The following DHRS3 variants were observed in gnomAD, a reference collection of about 807,000 sequenced individuals.
DHRS3 encodes short-chain dehydrogenase/reductase 3.
Under a neutral mutation model 27.2 loss-of-function variants are expected in DHRS3, and 14 were observed. The observed-to-expected ratio is 0.52, with a 90% CI of 0.34 to 0.81. The LOEUF (loss-of-function observed/expected upper bound fraction) is 0.81. DHRS3 is among the 30% of genes least tolerant of loss of function. The pLI, the probability that DHRS3 is intolerant of heterozygous loss-of-function variation, is 0.01. For synonymous variants in DHRS3, 165 were observed against 175.9 expected (o/e 0.94, Z 0.49); for missense variants, 322 against 406.2 (o/e 0.79, Z 1.78).
At position 12,590,881 on chromosome 1, in the gene DHRS3, G is replaced by A. The variant is rs998096079; in HGVS notation, c.196-10215C>T. On this transcript the variant is annotated intron_variant, in intron 1 of 5. Coordinates refer to ENST00000616661, the MANE Select transcript of DHRS3 (RefSeq NM_004753.7). ...AACTGATCCACAATGATCAGGTACC[G>A]ACTTCCAGCATCTCCTTCCCAGACT... is the stretch of plus-strand genomic sequence containing the variant. 5.9e-5 allele frequency among the ~76,000 whole-genome samples: 9 copies of A among 152,152 alleles called. No individual in the cohort carries two copies. In the East Asian group the frequency reaches 7.7e-4, roughly 13 times the overall value.
chr1:12,572,880 T>C, intron 4 of DHRS3, 27 bp from the exon 5 acceptor site: 1 of 1,566,132 alleles, frequency 6.4e-7, no homozygotes, highest in South Asian at 1.2e-5. Flanking sequence ...ACACAGTGGG[T>C]TTCTCCTGGA....
At chr1:12,609,566 G>A (rs1480226930) in intron 1 of DHRS3, among the ~76,000 whole-genome samples, 2 of 152,316 alleles carry the variant, frequency 1.3e-5, no homozygotes, top group East Asian at 3.9e-4. Flanking sequence ...AGCATTCCCT[G>A]AGCTCTGGGA....
At position 12,617,758 on chromosome 1, in the gene DHRS3, C is replaced by T. The variant is rs1261087416; in HGVS notation, c.-410G>A. 7.7e-6 allele frequency: 1 copy of T among 129,382 alleles called. No individual in the cohort carries two copies. Among genetic ancestry groups the T allele is most frequent in the Non-Finnish European group, 1.5e-5 (1 of 64,594 alleles). The allele number at this position is 129,382 out of a possible 1,614,324, so 8.0% of individuals were successfully genotyped here. On this transcript the variant is annotated 5_prime_UTR_variant, in exon 1 of 6. Coordinates refer to ENST00000616661, the MANE Select transcript of DHRS3 (RefSeq NM_004753.7). Reference sequence around the variant, plus strand: ...GCACCAACCACACGCGCGCACCCTGCCTCGGTCCCGCGGTTTCAAAGTGCA... The same window carrying T: ...GCACCAACCACACGCGCGCACCCTGTCTCGGTCCCGCGGTTTCAAAGTGCA...
At position 12,577,423 on chromosome 1, in the gene DHRS3, G is replaced by A. The variant is rs181081388; in HGVS notation, c.698+1295C>T. 3.9e-5 allele frequency among the ~76,000 whole-genome samples: 6 copies of A among 152,334 alleles called. No individual in the cohort carries two copies. The East Asian group carries it at 1.2e-3, about 29-fold the overall frequency. Reference sequence around the variant, plus strand: ...ATGTCACAGAGTACATCACAGCTATGAGGGAGTCACCACCCCAGGTGGCAT... The same window carrying A: ...ATGTCACAGAGTACATCACAGCTATAAGGGAGTCACCACCCCAGGTGGCAT... On this transcript the variant is annotated intron_variant, in intron 4 of 5. Transcript: ENST00000616661.
rs189442534 is a variant in DHRS3, at chr1:12,593,160, T to C, written c.196-12494A>G. On this transcript the variant is annotated intron_variant, in intron 1 of 5. Coordinates refer to ENST00000616661, the MANE Select transcript of DHRS3 (RefSeq NM_004753.7). The surrounding 1 kb of genome is among the most constrained non-coding windows in gnomAD (Gnocchi z 4.6). ...TTATGACTACTGATGGCTGCCCATC[T>C]CACAGACTGGAATCTAGTGTTTACT... Among the ~76,000 whole-genome samples, 143 of 152,300 alleles carry C rather than the reference T, an allele frequency of 9.4e-4. No homozygotes were observed. Among genetic ancestry groups the C allele is most frequent in the Non-Finnish European group, 1.7e-3 (118 of 68,022 alleles).
chr1:12,583,319 C>A (rs1243307063), intron 1 of DHRS3, among the ~76,000 whole-genome samples: 1 of 146,574 alleles, frequency 6.8e-6, no homozygotes, highest in African/African-American at 2.5e-5. Context: ...CTACCCTACT[C>A]CATTCATCCA....
In DHRS3 at chr1:12,591,699, G is replaced by C. The variant is rs1646748255; in HGVS notation, c.196-11033C>G. Among the ~76,000 whole-genome samples the C allele has an allele frequency of 6.6e-6, 1 of 152,242 alleles. No homozygotes were observed. ...CCCGAGAAAACTGATACACGAAGGG[G>C]CTATGTAATTCCAAGCGGTAAGCGG... On this transcript the variant is annotated intron_variant, in intron 1 of 5. Transcript: ENST00000616661. The surrounding 1 kb of genome is among the most constrained non-coding windows in gnomAD (Gnocchi z 4.1).
At chr1:12,584,866 T>C (rs920110286) in intron 1 of DHRS3, among the ~76,000 whole-genome samples, 2 of 121,286 alleles carry the variant, frequency 1.6e-5, no homozygotes, top group African/African-American at 6.5e-5. Flanking sequence ...GTTTCTGTAG[T>C]ATGTCTCTGT....
At position 12,574,197 on chromosome 1, in the gene DHRS3, G is replaced by T. The variant is rs182116672; in HGVS notation, c.699-1344C>A. Among the ~76,000 whole-genome samples, 86 of 152,122 alleles carry T rather than the reference G, an allele frequency of 5.7e-4. 1 individual carries two copies. The East Asian group carries it at 0.01, about 18-fold the overall frequency. Reference sequence around the variant, plus strand: ...TTTATTTTTTATTTTTGAGTCCAGGGTCTCACTTTGTTACCCAGGCTGGAG... The same window carrying T: ...TTTATTTTTTATTTTTGAGTCCAGGTTCTCACTTTGTTACCCAGGCTGGAG... On this transcript the variant is annotated intron_variant, in intron 4 of 5. Transcript: ENST00000616661. This position sits in a 1 kb window ranked among gnomAD's most constrained non-coding sequence, Gnocchi z 4.6.
chr1:12,579,635 C>T, intron 2 of DHRS3: 1 of 475,130 alleles, frequency 2.1e-6, no homozygotes, highest in South Asian at 2.3e-5. Flanking sequence ...GCCACCATGC[C>T]TGGCTAATTT....
At chr1:12,605,895 C>T (rs1646867182) in intron 1 of DHRS3, among the ~76,000 whole-genome samples, 1 of 152,130 alleles carries the variant, frequency 6.6e-6, no homozygotes, top group Admixed American at 6.5e-5. Flanking sequence ...AATCCCAGCA[C>T]TTTGGGAGGC....
At chr1:12,604,458 T>C (rs1008156529) in intron 1 of DHRS3, among the ~76,000 whole-genome samples, 4 of 152,228 alleles carry the variant, frequency 2.6e-5, no homozygotes, top group Non-Finnish European at 5.9e-5. Context: ...ATGCAAATAC[T>C]GCTACTCAGT....
At chr1:12,612,608 CTG>C (rs1557534610) in intron 1 of DHRS3, among the ~76,000 whole-genome samples, 3 of 152,232 alleles carry the variant, frequency 2.0e-5, no homozygotes, top group Admixed American at 6.5e-5. Context: ...TGTGCTTCCA[CTG>C]TGTAGCATCT....
At chr1:12,571,658 G>A (rs1646538459) in intron 5 of DHRS3, among the ~76,000 whole-genome samples, 1 of 151,608 alleles carries the variant, frequency 6.6e-6, no homozygotes, top group Admixed American at 6.6e-5. Context: ...AGCCTCCCAG[G>A]TAGCTGGGAT....
At chr1:12,615,029 C>G (rs551909290) in intron 1 of DHRS3, among the ~76,000 whole-genome samples, 1 of 152,270 alleles carries the variant, frequency 6.6e-6, no homozygotes, top group South Asian at 2.1e-4. Context: ...TGTTCCCAAC[C>G]CCACTAGGCC....
chr1:12,606,115 C>T (rs12024221), intron 1 of DHRS3, among the ~76,000 whole-genome samples: 1 of 132,052 alleles, frequency 7.6e-6, no homozygotes. Context: ...TCCAGCCTGG[C>T]GACAGAGTGA....
rs765594786 is a variant in DHRS3 at position 12,617,167 on chromosome 1, C to T, written c.182G>A (p.Arg61His). 6.2e-7 allele frequency: 1 copy of T among 1,611,748 alleles called. No individual in the cohort carries two copies. Among genetic ancestry groups the T allele is most frequent in the Non-Finnish European group, 8.5e-7 (1 of 1,179,590 alleles). Reference sequence around the variant, plus strand: ...AGTGCCTGGTACCTTTCTGGCGCCGCGCTCCGCGAACTCGCGGGCGAGCTG... The same window carrying T: ...AGTGCCTGGTACCTTTCTGGCGCCGTGCTCCGCGAACTCGCGGGCGAGCTG... ...GRQLAREFAE[R>H]GARKIVLWGR... The change falls in exon 1 of 6, where the codon CGC (arginine) becomes CAC (histidine). Residue 61 changes from arginine to histidine, a missense_variant. Arg to His is a conservative substitution (Grantham distance 29). Coordinates refer to ENST00000616661, the MANE Select transcript of DHRS3 (RefSeq NM_004753.7).
At chr1:12,613,848 C>T (rs1323788103) in intron 1 of DHRS3, among the ~76,000 whole-genome samples, 1 of 152,180 alleles carries the variant, frequency 6.6e-6, no homozygotes, top group Non-Finnish European at 1.5e-5. Context: ...AGGCTCACTG[C>T]AACCTCTACC....
rs1258601747 is a variant in DHRS3, at chr1:12,617,295, A to G, written c.54T>C (p.Tyr18=). 8 of 1,613,736 alleles carry G rather than the reference A, an allele frequency of 5.0e-6. No individual in the cohort carries two copies. The highest frequency in any genetic ancestry group is 1.7e-5 in the Admixed American group (1 of 60,022). ...ALVMFPLQMI[Y]LVVKAAVGLV... Reference sequence around the variant, plus strand: ...GTCCGACGGCTGCTTTCACCACCAGATAGATCATCTGTAGAGGGAACATCA... The same window carrying G: ...GTCCGACGGCTGCTTTCACCACCAGGTAGATCATCTGTAGAGGGAACATCA... The change falls in exon 1 of 6, where the codon TAT becomes TAC. Residue 18 remains tyrosine (Y), a synonymous_variant. Transcript: ENST00000616661.
Sources: allele counts gnomAD v4.1 joint callset (sites outside exome capture counted in the v4.1 genomes callset), GRCh38; gene constraint gnomAD v4.1.1; non-coding constraint Gnocchi (gnomAD v3.1); transcripts MANE v1.5; gene names NCBI Gene and HGNC (gene_info 2026-07-23, HGNC 2026-07-21).